LOC400499: variants seen among roughly 807,000 people sequenced by gnomAD.
chr16:11,460,589 T>A, the LOC400499 span: 2 of 1,534,494 alleles, frequency 1.3e-6, no homozygotes, highest in South Asian at 2.4e-5. Context: ...GCTGCACTCG[T>A]GTGCCGCCTG....
the LOC400499 span, chr16:11,515,883 CCA>C: frequency 2.6e-5 from 1 of 38,538 alleles, no homozygotes; most frequent in Non-Finnish European, 6.3e-5. Context: ...CCAGCCCAGC[CCA>C]GCCCAGCCTA....
At chr16:11,401,643 G>T in the LOC400499 span, among the ~76,000 whole-genome samples, 4 of 152,218 alleles carry the variant, frequency 2.6e-5, no homozygotes, top group African/African-American at 9.6e-5. Context: ...GGGACTGGAG[G>T]TCGCGCTCCT....
the LOC400499 span, among the ~76,000 whole-genome samples, chr16:11,469,013 T>A: frequency 6.6e-6 from 1 of 152,248 alleles, no homozygotes; most frequent in Non-Finnish European, 1.5e-5. Context: ...TTTTCTTGTT[T>A]ATACATTTCT....
At chr16:11,493,438 T>C in the LOC400499 span, among the ~76,000 whole-genome samples, 1 of 152,156 alleles carries the variant, frequency 6.6e-6, no homozygotes, top group Non-Finnish European at 1.5e-5. Flanking sequence ...CTGGTAATCA[T>C]ATGGTTGTGT....
chr16:11,459,631 C>G, the LOC400499 span, among the ~76,000 whole-genome samples: 1 of 152,218 alleles, frequency 6.6e-6, no homozygotes, highest in African/African-American at 2.4e-5. Flanking sequence ...TAAAAGCGAA[C>G]CGCTCTTTCA....
chr16:11,452,288 G>C, the LOC400499 span, among the ~76,000 whole-genome samples: 1,008 of 150,810 alleles, frequency 6.7e-3, 4 homozygotes, highest in Middle Eastern at 0.027. Flanking sequence ...TCATGCGCCA[G>C]TGTATAGATT....
the LOC400499 span, chr16:11,448,898 A>G: frequency 6.9e-7 from 1 of 1,445,174 alleles, no homozygotes; most frequent in Admixed American, 2.1e-5. Flanking sequence ...TCTTGGCTGC[A>G]CGGGCCTCCT....
the LOC400499 span, among the ~76,000 whole-genome samples, chr16:11,524,949 G>C: frequency 6.6e-6 from 1 of 152,098 alleles, no homozygotes; most frequent in African/African-American, 2.4e-5. Context: ...GCTGCACCTC[G>C]ACTGGTCATT....
chr16:11,479,373 G>A, the LOC400499 span, among the ~76,000 whole-genome samples: 9 of 152,074 alleles, frequency 5.9e-5, no homozygotes. Context: ...CAGCACTAGG[G>A]AGGCCGAGAA....
At chr16:11,493,610 C>A in the LOC400499 span, 25 of 396,100 alleles carry the variant, frequency 6.3e-5, no homozygotes, top group Non-Finnish European at 1.1e-4. Context: ...CACCACCCAA[C>A]CCCAACCCCA....
chr16:11,416,178 G>C, the LOC400499 span, among the ~76,000 whole-genome samples: 1 of 151,968 alleles, frequency 6.6e-6, no homozygotes, highest in Non-Finnish European at 1.5e-5. Flanking sequence ...TCGAACTCCT[G>C]ACCTCAAATG....
At chr16:11,504,884 C>T in the LOC400499 span, among the ~76,000 whole-genome samples, 1 of 152,102 alleles carries the variant, frequency 6.6e-6, no homozygotes, top group South Asian at 2.1e-4. Context: ...GATCGCACAA[C>T]TGCACTCCAG....
At chr16:11,454,743 G>A in the LOC400499 span, among the ~76,000 whole-genome samples, 7 of 152,326 alleles carry the variant, frequency 4.6e-5, no homozygotes, top group Non-Finnish European at 8.8e-5. Flanking sequence ...AGAACCCTTG[G>A]AAATGAATAC....
chr16:11,450,844 T>C, the LOC400499 span: 1 of 1,519,186 alleles, frequency 6.6e-7, no homozygotes, highest in Non-Finnish European at 8.8e-7. Flanking sequence ...AGAAGGAGAA[T>C]CTGGTACACG....
the LOC400499 span, chr16:11,493,676 G>A: frequency 2.5e-6 from 1 of 397,296 alleles, no homozygotes; most frequent in East Asian, 3.6e-5. Context: ...CGGAAGGCCT[G>A]GATGGCCCCC....
At chr16:11,441,866 G>A in the LOC400499 span, among the ~76,000 whole-genome samples, 3 of 152,234 alleles carry the variant, frequency 2.0e-5, no homozygotes, top group African/African-American at 4.8e-5. Flanking sequence ...TTAGCCACGT[G>A]AGATCCATTT....
At chr16:11,483,275 T>C in the LOC400499 span, among the ~76,000 whole-genome samples, 1 of 152,146 alleles carries the variant, frequency 6.6e-6, no homozygotes, top group African/African-American at 2.4e-5. Context: ...TTTAAACATA[T>C]ACCTACCATA....
At chr16:11,493,065 G>C in the LOC400499 span, among the ~76,000 whole-genome samples, 1 of 152,188 alleles carries the variant, frequency 6.6e-6, no homozygotes, top group South Asian at 2.1e-4. Flanking sequence ...GCAATGTGCT[G>C]GGGAGGAGGG....
chr16:11,500,867 C>T, the LOC400499 span: 3 of 399,170 alleles, frequency 7.5e-6, no homozygotes, highest in Non-Finnish European at 1.3e-5. Context: ...AGAGCCACGC[C>T]TCCACCTCGT....
Sources: allele counts gnomAD v4.1 joint callset (sites outside exome capture counted in the v4.1 genomes callset), GRCh38; gene constraint gnomAD v4.1.1; transcripts MANE v1.5.